The following RASSF8 variants were observed in gnomAD, a reference collection of about 807,000 sequenced individuals.
The protein encoded by RASSF8 is ras association domain-containing protein 8.
In RASSF8, 22 loss-of-function variants were observed where a neutral mutation model predicts 48.5. That is an observed-to-expected ratio of 0.45 (90% CI 0.32 to 0.65). The LOEUF is 0.65. Among genes scored for constraint, RASSF8 ranks in the 30% least tolerant of loss-of-function variants. The pLI is 0.03. For missense variants in RASSF8, 418 were observed against 489.2 expected, an observed-to-expected ratio of 0.85 and a Z score of 1.37; for synonymous variants, 127 against 171.5, an observed-to-expected ratio of 0.74 and a Z score of 2.03.
chr12:25,998,144 T>C (rs533469990), intron 2 of RASSF8, among the ~76,000 whole-genome samples: 83 of 152,340 alleles, frequency 5.4e-4, no homozygotes, highest in Non-Finnish European at 1.1e-3. Context: ...GAGAATGTTA[T>C]GACTTCCCTA....
chr12:25,990,397 A>G (rs1247549894), intron 1 of RASSF8, among the ~76,000 whole-genome samples: 4 of 152,236 alleles, frequency 2.6e-5, no homozygotes, highest in Non-Finnish European at 5.9e-5. Flanking sequence ...AATGAAACCC[A>G]TATCTTCATC....
At chr12:26,023,778 TAA>T (rs1037622411) in intron 2 of RASSF8, among the ~76,000 whole-genome samples, 2 of 152,084 alleles carry the variant, frequency 1.3e-5, no homozygotes, top group Non-Finnish European at 2.9e-5. Context: ...AAAGAAATTA[TAA>T]AAAAAGTATA....
In RASSF8 at chr12:26,069,427, T is replaced by A. The variant is rs1943953937; in HGVS notation, c.*609T>A. The A allele has an allele frequency of 1.0e-6, 1 of 985,288 alleles. No individual in the cohort carries two copies. Among genetic ancestry groups the A allele is most frequent in the Non-Finnish European group, 1.2e-6 (1 of 829,842 alleles). The allele number at this position is 985,288 out of a possible 1,614,324, so 61.0% of individuals were successfully genotyped here. On this transcript the variant is annotated 3_prime_UTR_variant, in exon 6 of 6. Transcript: ENST00000689635. ...CTTAATTAGGTGAAATAATTCAGGG[T>A]TTTTTAAATCTGGAATTTAGTCGTT...
intron 1 of RASSF8, among the ~76,000 whole-genome samples, chr12:25,989,109 T>C (rs1163401855): frequency 2.6e-5 from 4 of 152,194 alleles, no homozygotes; most frequent in Non-Finnish European, 4.4e-5. Flanking sequence ...GCAGAGTGAT[T>C]CTACTTGTCT....
intron 1 of RASSF8, among the ~76,000 whole-genome samples, chr12:25,969,279 A>G (rs984381470): frequency 9.9e-5 from 15 of 152,122 alleles, no homozygotes; most frequent in Non-Finnish European, 2.2e-4. Context: ...TAAAAACCCA[A>G]CCGTCTGCCT....
At chr12:25,998,596 C>T (rs1252007114) in intron 2 of RASSF8, among the ~76,000 whole-genome samples, 2 of 152,148 alleles carry the variant, frequency 1.3e-5, no homozygotes, top group Admixed American at 1.3e-4. Flanking sequence ...TTCCGCCCAC[C>T]TCAGCCTCCC....
intron 1 of RASSF8, among the ~76,000 whole-genome samples, chr12:25,987,297 C>G (rs932913433): frequency 4.6e-5 from 7 of 152,182 alleles, no homozygotes; most frequent in East Asian, 3.8e-4. Context: ...TATGAACTGA[C>G]CAAAATCCAC....
At chr12:25,968,303 C>A (rs1452484894) in intron 1 of RASSF8, among the ~76,000 whole-genome samples, 1 of 152,082 alleles carries the variant, frequency 6.6e-6, no homozygotes, top group African/African-American at 2.4e-5. Flanking sequence ...TGAAACGTTG[C>A]TTCCTTGGCA....
intron 2 of RASSF8, among the ~76,000 whole-genome samples, chr12:26,034,081 G>A (rs1943081157): frequency 2.0e-5 from 3 of 152,016 alleles, no homozygotes; most frequent in African/African-American, 7.2e-5. Flanking sequence ...CCAAGCAGAG[G>A]AAGCAATACA....
intron 2 of RASSF8, among the ~76,000 whole-genome samples, chr12:26,023,804 A>G (rs1315346563): frequency 2.0e-5 from 3 of 152,214 alleles, no homozygotes; most frequent in African/African-American, 7.2e-5. Flanking sequence ...TTGATTGTTG[A>G]GTTTTCAAAA....
intron 1 of RASSF8, among the ~76,000 whole-genome samples, chr12:25,965,363 C>CTTTTTTT (rs11420016): frequency 2.6e-5 from 3 of 116,892 alleles, no homozygotes; most frequent in Non-Finnish European, 3.5e-5. Context: ...TCCCAAATTT[C>CTTTTTTT]TTTTTTTTTT....
chr12:26,055,342 C>A lies in RASSF8; in HGVS notation c.-2C>A, dbSNP rs1409076048. 1 of 1,613,460 alleles carries A rather than the reference C, an allele frequency of 6.2e-7. No homozygotes were observed. The highest frequency in any genetic ancestry group is 1.3e-5 in the African/African-American group (1 of 74,880). On this transcript the variant is annotated 5_prime_UTR_variant, in exon 3 of 6. Coordinates refer to ENST00000689635, the MANE Select transcript of RASSF8 (RefSeq NM_001394098.1). ...GGACCTTGAGTGACTGGCCGGTGCA[C>A]CATGGAACTTAAAGTATGGGTGGAT...
At chr12:26,006,586 A>G (rs368467726) in intron 2 of RASSF8, among the ~76,000 whole-genome samples, 5 of 152,174 alleles carry the variant, frequency 3.3e-5, no homozygotes, top group Admixed American at 3.3e-4. Context: ...AGTCTTTTAT[A>G]CTTAGGGGTA....
intron 2 of RASSF8, among the ~76,000 whole-genome samples, chr12:26,017,237 G>A (rs1298718566): frequency 6.6e-6 from 1 of 152,090 alleles, no homozygotes; most frequent in Non-Finnish European, 1.5e-5. Context: ...GCTTTCTGTT[G>A]CACATTCATT....
downstream of RASSF8, among the ~76,000 whole-genome samples, chr12:26,073,535 G>A (rs1157352730): frequency 3.9e-5 from 6 of 151,998 alleles, no homozygotes; most frequent in Admixed American, 2.0e-4. Context: ...TCAGGAGTTC[G>A]AGACCAGCCT....
At position 26,065,156 on chromosome 12, in the gene RASSF8, T is replaced by G. The variant is rs1368036029; in HGVS notation, c.762T>G (p.Cys254Trp). Residue 254 changes from cysteine to tryptophan, a missense_variant, in exon 4 of 6, where the codon TGT becomes TGG. Coordinates refer to ENST00000689635, the MANE Select transcript of RASSF8 (RefSeq NM_001394098.1). ...AAATAAGACAGAAAATAACAGAATG[T>G]GAAAACAAATTAAAGGACTATTTGG... ...LQEIRQKITE[C>W]ENKLKDYLAQ... 1 of 1,613,646 alleles carries G rather than the reference T, an allele frequency of 6.2e-7. No homozygotes were observed. The highest frequency in any genetic ancestry group is 1.3e-5 in the African/African-American group (1 of 74,820).
intron 1 of RASSF8, among the ~76,000 whole-genome samples, chr12:25,982,372 C>T (rs1001272845): frequency 2.6e-5 from 4 of 152,084 alleles, no homozygotes; most frequent in African/African-American, 9.7e-5. Flanking sequence ...ATGAAAAAGA[C>T]ATAATGGTTT....
At chr12:26,034,005 C>T (rs750459419) in intron 2 of RASSF8, among the ~76,000 whole-genome samples, 108 of 152,178 alleles carry the variant, frequency 7.1e-4, no homozygotes, top group Non-Finnish European at 1.4e-3. Context: ...CTCCCCACCA[C>T]CATCATGTCG....
chr12:25,958,866 G>T lies in RASSF8; in HGVS notation c.-485G>T, dbSNP rs1389557012. On this transcript the variant is annotated 5_prime_UTR_variant, in exon 1 of 6. Transcript: ENST00000689635. ...CGTTGGCGCTGGGGGCGGCTCCCGC[G>T]GCGTCTCTGCCGCTGGCCGAGCGCT... 2 of 146,992 alleles carry T rather than the reference G, an allele frequency of 1.4e-5. No homozygotes were observed. Among genetic ancestry groups the T allele is most frequent in the Non-Finnish European group, 1.5e-5 (1 of 66,022 alleles). The allele number at this position is 146,992 out of a possible 1,614,324, so 9.1% of individuals were successfully genotyped here. A position where few individuals can be genotyped will look rare whatever the true frequency, so the allele number is the denominator to read the frequency against.
Sources: allele counts gnomAD v4.1 joint callset (sites outside exome capture counted in the v4.1 genomes callset), GRCh38; gene constraint gnomAD v4.1.1; transcripts MANE v1.5; gene names NCBI Gene and HGNC (gene_info 2026-07-23, HGNC 2026-07-21).